Variants in VPS13B observed in about 807,000 individuals in gnomAD.
VPS13B encodes the protein intermembrane lipid transfer protein VPS13B.
In VPS13B, 285 loss-of-function variants were observed where a neutral mutation model predicts 426.4. The observed-to-expected ratio is 0.67, with a 90% CI of 0.61 to 0.74. The LOEUF is 0.74. Ranked by LOEUF, VPS13B falls within the 30% of genes least tolerant of loss-of-function variation. The probability of loss-of-function intolerance (pLI) is 0.00; values close to 1 mark genes in which losing one functional copy is unlikely to be tolerated. For synonymous variants in VPS13B, 1,676 were observed against 1,676.4 expected (o/e 1.00, Z 0.01); for missense variants, 4,537 against 4,782.6 (o/e 0.95, Z 1.51).
chr8:99,530,499 A>G (rs925222024), intron 30 of VPS13B, among the ~76,000 whole-genome samples: 2 of 151,926 alleles, frequency 1.3e-5, no homozygotes, highest in African/African-American at 2.4e-5. Flanking sequence ...CTGTAATTCC[A>G]GCTACTTGGG....
At chr8:99,500,273 AATAAACT>A (rs1821157672) in intron 25 of VPS13B, among the ~76,000 whole-genome samples, 1 of 152,164 alleles carries the variant, frequency 6.6e-6, no homozygotes, top group African/African-American at 2.4e-5. Context: ...CATTCAAAGC[AATAAACT>A]ATTGGAGGTT....
intron 2 of VPS13B, among the ~76,000 whole-genome samples, chr8:99,037,268 A>T (rs1484831148): frequency 3.3e-5 from 5 of 151,302 alleles, no homozygotes; most frequent in African/African-American, 1.2e-4. Flanking sequence ...GCTGACCTTT[A>T]AAAAAAAACC....
chr8:99,212,807 A>T (rs766594803), intron 17 of VPS13B, among the ~76,000 whole-genome samples: 17 of 152,194 alleles, frequency 1.1e-4, no homozygotes, highest in Non-Finnish European at 2.4e-4. Flanking sequence ...CAATGTATGT[A>T]GCTCCATTTT....
intron 46 of VPS13B, 80 bp from the exon 47 acceptor site, chr8:99,818,633 C>A: frequency 6.2e-7 from 1 of 1,602,600 alleles, no homozygotes; most frequent in Non-Finnish European, 8.5e-7. Flanking sequence ...AGATTTATTA[C>A]AAGTTTGTTT....
intron 3 of VPS13B, among the ~76,000 whole-genome samples, chr8:99,080,767 T>C (rs552665739): frequency 6.6e-6 from 1 of 152,340 alleles, no homozygotes; most frequent in Admixed American, 6.5e-5. Context: ...TGACTTAATT[T>C]TGTTGATTTC....
chr8:99,038,298 C>A, intron 2 of VPS13B, 125 bp from the exon 3 acceptor site: 1 of 688,368 alleles, frequency 1.5e-6, no homozygotes. Context: ...AAATATTAAG[C>A]ACTAAACAAT....
At chr8:99,264,881 C>T (rs1818224922) in intron 17 of VPS13B, among the ~76,000 whole-genome samples, 1 of 151,828 alleles carries the variant, frequency 6.6e-6, no homozygotes, top group African/African-American at 2.4e-5. Flanking sequence ...TATTGGATTG[C>T]TTATGTTGAT....
At chr8:99,255,916 C>T (rs1002024435) in intron 17 of VPS13B, among the ~76,000 whole-genome samples, 4 of 152,126 alleles carry the variant, frequency 2.6e-5, no homozygotes, top group Non-Finnish European at 5.9e-5. Context: ...TCTTATTCTA[C>T]CCAGGCAGGG....
intron 30 of VPS13B, among the ~76,000 whole-genome samples, chr8:99,540,911 G>A (rs570669224): frequency 1.3e-5 from 2 of 152,046 alleles, no homozygotes; most frequent in East Asian, 3.9e-4. Context: ...CTATTACAGG[G>A]TTATTTTCTT....
At chr8:99,528,744 G>T (rs973336804) in intron 30 of VPS13B, among the ~76,000 whole-genome samples, 29 of 152,002 alleles carry the variant, frequency 1.9e-4, no homozygotes, top group African/African-American at 5.8e-4. Context: ...ATCTAGATTT[G>T]CAATTTTCAC....
chr8:99,537,291 C>G (rs1161945000), intron 30 of VPS13B, among the ~76,000 whole-genome samples: 2 of 151,994 alleles, frequency 1.3e-5, no homozygotes, highest in Non-Finnish European at 2.9e-5. Context: ...AAAATTTATT[C>G]TAGTGCTGTA....
intron 19 of VPS13B, among the ~76,000 whole-genome samples, chr8:99,312,954 TC>T (rs1821093477): frequency 1.3e-5 from 2 of 152,360 alleles, no homozygotes; most frequent in African/African-American, 4.8e-5. Context: ...TTCCAGTTGA[TC>T]GAATCGGCTA....
chr8:99,679,076 C>G (rs945812777), intron 35 of VPS13B, among the ~76,000 whole-genome samples: 1 of 152,144 alleles, frequency 6.6e-6, no homozygotes, highest in Non-Finnish European at 1.5e-5. Flanking sequence ...CACTCTAATT[C>G]TCAGCTGCCA....
At chr8:99,020,643 C>A (rs949994612) in intron 2 of VPS13B, among the ~76,000 whole-genome samples, 6 of 152,150 alleles carry the variant, frequency 3.9e-5, no homozygotes, top group African/African-American at 1.4e-4. Flanking sequence ...TGCAACCTTT[C>A]TCTCTTTTTT....
At chr8:99,425,057 A>T (rs1478564757) in intron 21 of VPS13B, among the ~76,000 whole-genome samples, 1 of 152,214 alleles carries the variant, frequency 6.6e-6, no homozygotes, top group African/African-American at 2.4e-5. Context: ...AGGCTCTAAA[A>T]TTGAGGCAAT....
chr8:99,539,866 A>G (rs1371799012), intron 30 of VPS13B, among the ~76,000 whole-genome samples: 1 of 149,432 alleles, frequency 6.7e-6, no homozygotes, highest in Admixed American at 6.7e-5. Context: ...TTTTTGTACC[A>G]TAAAACAGAA....
chr8:99,641,732 C>A, intron 33 of VPS13B, 79 bp from the exon 34 acceptor site: 1 of 1,381,212 alleles, frequency 7.2e-7, no homozygotes, highest in Non-Finnish European at 9.8e-7. Flanking sequence ...TTCTCTTTGA[C>A]AACATGTTTA....
chr8:99,851,122 T>C (rs932825926), intron 55 of VPS13B, among the ~76,000 whole-genome samples: 1 of 152,236 alleles, frequency 6.6e-6, no homozygotes, highest in Non-Finnish European at 1.5e-5. Flanking sequence ...TTAACTAGTA[T>C]AGCACAAAAT....
At chr8:99,412,214 T>C (rs557465428) in intron 21 of VPS13B, among the ~76,000 whole-genome samples, 1 of 152,294 alleles carries the variant, frequency 6.6e-6, no homozygotes, top group South Asian at 2.1e-4. Context: ...ATGGAATGTT[T>C]TTCCATTTGT....
Sources: allele counts gnomAD v4.1 joint callset (sites outside exome capture counted in the v4.1 genomes callset), GRCh38; gene constraint gnomAD v4.1.1; transcripts MANE v1.5; gene names NCBI Gene and HGNC (gene_info 2026-07-23, HGNC 2026-07-21).